Variants in WDR7 observed in about 807,000 individuals in gnomAD.
WDR7 encodes the protein WD repeat-containing protein 7.
Under a neutral mutation model 169.4 loss-of-function variants are expected in WDR7, and 46 were observed. The observed-to-expected ratio is 0.27, with a 90% CI of 0.21 to 0.35. The LOEUF (loss-of-function observed/expected upper bound fraction) is 0.35. Ranked by LOEUF, WDR7 falls within the 10% of genes least tolerant of loss-of-function variation. The pLI is 1.00. For synonymous variants in WDR7, 612 were observed against 666.8 expected, an observed-to-expected ratio of 0.92 and a Z score of 1.27; for missense variants, 1,534 against 1,859.3, an observed-to-expected ratio of 0.83 and a Z score of 3.22.
chr18:56,686,352 A>G (rs2025443862), intron 6 of WDR7, among the ~76,000 whole-genome samples: 1 of 152,162 alleles, frequency 6.6e-6, no homozygotes, highest in Non-Finnish European at 1.5e-5. Flanking sequence ...AGGAAAAAAA[A>G]ATAAAGCAAA....
intron 14 of WDR7, 120 bp downstream of exon 14, chr18:56,731,717 T>C: frequency 3.3e-6 from 3 of 907,844 alleles, no homozygotes; most frequent in Non-Finnish European, 4.8e-6. Flanking sequence ...AATAAACTTT[T>C]GATTTTCATT....
chr18:57,027,330 A>G lies in WDR7; in HGVS notation c.*123A>G, dbSNP rs1435503505. On this transcript the variant is annotated 3_prime_UTR_variant, in exon 28 of 28. Transcript: ENST00000254442. ...GCCCACCCCAGTGCCATCCAGTGGC[A>G]CGGCCGGGTCTTGTCACTTGTGCAT... 2.5e-6 allele frequency: 3 copies of G among 1,216,888 alleles called. No homozygotes were observed. Among genetic ancestry groups the G allele is most frequent in the African/African-American group, 3.0e-5 (2 of 66,508 alleles). The allele number at this position is 1,216,888 out of a possible 1,614,324, so 75.4% of individuals were successfully genotyped here.
Position 56,696,469 on chromosome 18 carries a change from T to C in WDR7, c.1578+7T>C, listed in dbSNP as rs1282949476. On this transcript the variant is annotated splice_region_variant and intron_variant, in intron 12 of 27. Transcript: ENST00000254442. ...TCCACCTGAAAACTGTAGTGTAAGT[T>C]GATTTATATAAAAGATTATTTCACT... The C allele has an allele frequency of 1.2e-6, 2 of 1,601,540 alleles. No individual in the cohort carries two copies. The highest frequency in any genetic ancestry group is 1.7e-6 in the Non-Finnish European group (2 of 1,173,270).
chr18:56,800,442 C>G (rs1199228013), intron 19 of WDR7, among the ~76,000 whole-genome samples: 1 of 152,116 alleles, frequency 6.6e-6, no homozygotes, highest in Non-Finnish European at 1.5e-5. Context: ...TGAAGCTTGC[C>G]ATTTTACTTC....
intron 19 of WDR7, among the ~76,000 whole-genome samples, chr18:56,801,496 T>C (rs919399257): frequency 1.3e-5 from 2 of 152,220 alleles, no homozygotes; most frequent in Admixed American, 6.5e-5. Context: ...AAGTTTATTC[T>C]TTGTAGCAGA....
intron 16 of WDR7, among the ~76,000 whole-genome samples, chr18:56,773,105 G>A (rs1211427552): frequency 2.6e-5 from 4 of 152,118 alleles, no homozygotes; most frequent in African/African-American, 9.7e-5. Flanking sequence ...CAGAATTAAA[G>A]CACAGTGCCT....
chr18:56,935,731 C>A, intron 22 of WDR7, 57 bp from the exon 23 acceptor site: 1 of 1,505,152 alleles, frequency 6.6e-7, no homozygotes, highest in Non-Finnish European at 9.2e-7. Context: ...CTAATCTTTT[C>A]AGTCCATATT....
intron 14 of WDR7, among the ~76,000 whole-genome samples, chr18:56,738,851 T>G (rs953614411): frequency 2.2e-5 from 3 of 137,688 alleles, no homozygotes; most frequent in African/African-American, 8.1e-5. Context: ...ACTTTTTGAA[T>G]AGGAAACATT....
intron 25 of WDR7, among the ~76,000 whole-genome samples, chr18:56,946,226 T>C (rs2047101420): frequency 6.6e-6 from 1 of 152,144 alleles, no homozygotes; most frequent in Non-Finnish European, 1.5e-5. Flanking sequence ...TCCTCCGGGG[T>C]TTCCTTGCCC....
chr18:56,656,076 C>T (rs563842266), intron 1 of WDR7, among the ~76,000 whole-genome samples: 72 of 151,934 alleles, frequency 4.7e-4, no homozygotes, highest in South Asian at 2.1e-3. Context: ...TGTGTGTGTG[C>T]GTATGGATTT....
intron 21 of WDR7, among the ~76,000 whole-genome samples, chr18:56,903,215 A>G (rs1399371184): frequency 6.6e-6 from 1 of 151,916 alleles, no homozygotes; most frequent in Non-Finnish European, 1.5e-5. Context: ...TTATTTTCTG[A>G]TATTTTCTAA....
At chr18:56,910,552 AT>A (rs1360963376) in intron 21 of WDR7, among the ~76,000 whole-genome samples, 3 of 152,036 alleles carry the variant, frequency 2.0e-5, no homozygotes, top group East Asian at 1.9e-4. Flanking sequence ...CAAGCATTTA[AT>A]TTTTTTTCAA....
intron 19 of WDR7, among the ~76,000 whole-genome samples, chr18:56,799,296 A>C (rs1260879330): frequency 1.3e-5 from 2 of 152,304 alleles, no homozygotes; most frequent in East Asian, 3.9e-4. Context: ...ATAACTTTTA[A>C]TTTTTATCTA....
chr18:56,706,117 T>G (rs2025947467), intron 12 of WDR7, among the ~76,000 whole-genome samples: 1 of 152,154 alleles, frequency 6.6e-6, no homozygotes, highest in Non-Finnish European at 1.5e-5. Context: ...AAGAAAAAAG[T>G]AAAGATAATA....
At chr18:57,015,871 A>G (rs535107719) in intron 26 of WDR7, among the ~76,000 whole-genome samples, 1 of 152,274 alleles carries the variant, frequency 6.6e-6, no homozygotes, top group African/African-American at 2.4e-5. Context: ...TGAGGCACTG[A>G]CTGCCTTGAA....
intron 16 of WDR7, among the ~76,000 whole-genome samples, chr18:56,774,046 G>A (rs988562600): frequency 6.6e-6 from 1 of 150,734 alleles, no homozygotes; most frequent in Non-Finnish European, 1.5e-5. Flanking sequence ...GCATTTTTTT[G>A]TACTTTAAAA....
intron 14 of WDR7, among the ~76,000 whole-genome samples, chr18:56,754,420 C>T (rs960373281): frequency 6.6e-6 from 1 of 150,420 alleles, no homozygotes; most frequent in Non-Finnish European, 1.5e-5. Context: ...TATACACACA[C>T]AAATATATAT....
intron 14 of WDR7, among the ~76,000 whole-genome samples, chr18:56,744,983 T>C (rs2043680403): frequency 6.6e-6 from 1 of 152,094 alleles, no homozygotes; most frequent in Admixed American, 6.6e-5. Flanking sequence ...TCACTATGGC[T>C]TTTAGTATTT....
intron 14 of WDR7, among the ~76,000 whole-genome samples, chr18:56,737,521 G>A (rs1304375602): frequency 4.6e-5 from 7 of 152,122 alleles, no homozygotes; most frequent in African/African-American, 1.7e-4. Flanking sequence ...AAATGACCAG[G>A]ATGATTTATC....
Sources: allele counts gnomAD v4.1 joint callset (sites outside exome capture counted in the v4.1 genomes callset), GRCh38; gene constraint gnomAD v4.1.1; transcripts MANE v1.5; gene names NCBI Gene and HGNC (gene_info 2026-07-23, HGNC 2026-07-21).